The following PRELID2 variants were observed in gnomAD, a reference collection of about 807,000 sequenced individuals.
The protein encoded by PRELID2 is PRELI domain containing 2, also known as PRELI domain-containing protein 2.
PRELID2 carries 25 observed loss-of-function variants against 28.4 expected under a neutral mutation model. The ratio of observed to expected loss-of-function variants is 0.88; its 90% CI spans 0.64 to 1.23. PRELID2 has a LOEUF of 1.23. Ranked by LOEUF, PRELID2 falls within the 50% of genes most tolerant of loss-of-function variation. The pLI is 0.00. For synonymous variants in PRELID2, 76 were observed against 71.6 expected (o/e 1.06, Z -0.31); for missense variants, 201 against 214.4 (o/e 0.94, Z 0.39).
intron 1 of PRELID2, among the ~76,000 whole-genome samples, chr5:145,498,489 GTCTC>G (rs1222226786): frequency 6.6e-6 from 1 of 151,956 alleles, no homozygotes; most frequent in Non-Finnish European, 1.5e-5. Context: ...GTGAGAACTT[GTCTC>G]TCTCTGTTTT....
chr5:145,633,090 G>C (rs1753953476), intron 1 of PRELID2, among the ~76,000 whole-genome samples: 1 of 152,120 alleles, frequency 6.6e-6, no homozygotes, highest in Non-Finnish European at 1.5e-5. Context: ...ACAACTCAAG[G>C]GAGTGTGGAA....
the PRELID2 span, among the ~76,000 whole-genome samples, chr5:145,372,257 G>C: frequency 1.3e-5 from 2 of 152,048 alleles, no homozygotes; most frequent in African/African-American, 2.4e-5. Context: ...GATTTGTTTT[G>C]AGTGAGTTTC....
At chr5:145,281,035 C>T in the PRELID2 span, among the ~76,000 whole-genome samples, 1 of 152,192 alleles carries the variant, frequency 6.6e-6, no homozygotes, top group African/African-American at 2.4e-5. Context: ...CTCTATCTCA[C>T]CATTCTGCAT....
intron 1 of PRELID2, among the ~76,000 whole-genome samples, chr5:145,535,726 T>C (rs1453508895): frequency 6.6e-6 from 1 of 151,934 alleles, no homozygotes; most frequent in African/African-American, 2.4e-5. Context: ...GATCTTGCTC[T>C]AAAGATGAGC....
At chr5:145,398,326 G>A in the PRELID2 span, among the ~76,000 whole-genome samples, 8 of 152,188 alleles carry the variant, frequency 5.3e-5, 1 homozygote, top group East Asian at 3.9e-4. Flanking sequence ...TTAGATGAAC[G>A]TTTCTGAGTT....
At chr5:145,540,113 A>C (rs1184666706) in intron 1 of PRELID2, among the ~76,000 whole-genome samples, 1 of 151,962 alleles carries the variant, frequency 6.6e-6, no homozygotes, top group African/African-American at 2.4e-5. Context: ...GCTGACTTGC[A>C]TCTCAACCCT....
chr5:145,398,388 T>C, the PRELID2 span, among the ~76,000 whole-genome samples: 4 of 152,244 alleles, frequency 2.6e-5, no homozygotes, highest in South Asian at 4.1e-4. Context: ...ACCAGTTGAT[T>C]GTAGCAGTGG....
intron 5 of PRELID2, among the ~76,000 whole-genome samples, chr5:145,776,904 G>A (rs1197559546): frequency 6.6e-6 from 1 of 152,128 alleles, no homozygotes; most frequent in Non-Finnish European, 1.5e-5. Context: ...TGTCTTTAAT[G>A]TTAAACAGTT....
At chr5:145,693,548 C>G (rs1344238580) in intron 1 of PRELID2, among the ~76,000 whole-genome samples, 2 of 151,788 alleles carry the variant, frequency 1.3e-5, no homozygotes, top group Non-Finnish European at 2.9e-5. Context: ...GCTAAAGGAC[C>G]ACTTGAGGCC....
In PRELID2 at chr5:145,531,673, G is replaced by C. The variant is rs987070657; in HGVS notation, n.71-58358C>G. On this transcript the variant is annotated intron_variant and non_coding_transcript_variant, in intron 1 of 2. Transcript: ENST00000510259. Reference sequence around the variant, plus strand: ...AGGCCATTTCCCCAGGCTCTGCAAGGCCTCTCTGCTGGGTTTGAATGTACA... The same window carrying C: ...AGGCCATTTCCCCAGGCTCTGCAAGCCCTCTCTGCTGGGTTTGAATGTACA... 8.9e-4 allele frequency among the ~76,000 whole-genome samples: 135 copies of C among 152,124 alleles called. 1 individual carries two copies. The highest frequency in any genetic ancestry group is 3.2e-3 in the African/African-American group (133 of 41,440).
chr5:145,277,903 A>G, the PRELID2 span, among the ~76,000 whole-genome samples: 118 of 152,114 alleles, frequency 7.8e-4, no homozygotes, highest in African/African-American at 2.7e-3. Context: ...CTATTCTCAC[A>G]CTAGTGTTAA....
intron 1 of PRELID2, among the ~76,000 whole-genome samples, chr5:145,488,141 A>G (rs1426730920): frequency 6.7e-6 from 1 of 150,226 alleles, no homozygotes; most frequent in Non-Finnish European, 1.5e-5. Flanking sequence ...AAAAAAAAAA[A>G]GGAATTGGAA....
chr5:145,476,165 T>C (rs1752097991), intron 1 of PRELID2, among the ~76,000 whole-genome samples: 3 of 152,232 alleles, frequency 2.0e-5, no homozygotes, highest in Admixed American at 6.5e-5. Context: ...TTTCAAATAA[T>C]CATCCCAAGT....
intron 2 of PRELID2, among the ~76,000 whole-genome samples, chr5:145,821,191 T>TGTG (rs1561649985): frequency 1.7e-3 from 54 of 31,340 alleles, no homozygotes; most frequent in African/African-American, 3.1e-3. Flanking sequence ...GTAAGTCCTC[T>TGTG]TCTGTGTGTG....
chr5:145,259,415 A>G, the PRELID2 span, among the ~76,000 whole-genome samples: 1 of 152,144 alleles, frequency 6.6e-6, no homozygotes, highest in South Asian at 2.1e-4. Context: ...CAGGGGCTGA[A>G]CCCTACAAAG....
chr5:145,682,125 G>A (rs568349150), intron 1 of PRELID2, among the ~76,000 whole-genome samples: 23 of 152,080 alleles, frequency 1.5e-4, no homozygotes, highest in Admixed American at 1.4e-3. Flanking sequence ...ATATAAAAAT[G>A]TAGAATACTA....
chr5:145,678,482 G>T (rs907703498), intron 1 of PRELID2, among the ~76,000 whole-genome samples: 1 of 152,106 alleles, frequency 6.6e-6, no homozygotes, highest in Non-Finnish European at 1.5e-5. Context: ...TTGCTCCTAA[G>T]ACTGATTATA....
intron 1 of PRELID2, among the ~76,000 whole-genome samples, chr5:145,632,224 C>G (rs536285624): frequency 1.3e-5 from 2 of 152,066 alleles, no homozygotes; most frequent in Non-Finnish European, 2.9e-5. Context: ...CTCTTTCTTA[C>G]GGTAATTGTA....
At chr5:145,304,656 C>T in the PRELID2 span, among the ~76,000 whole-genome samples, 5 of 151,802 alleles carry the variant, frequency 3.3e-5, no homozygotes, top group African/African-American at 1.2e-4. Context: ...ATAGCCTGTC[C>T]GATATATATT....
Sources: allele counts gnomAD v4.1 joint callset (sites outside exome capture counted in the v4.1 genomes callset), GRCh38; gene constraint gnomAD v4.1.1; transcripts MANE v1.5; gene names NCBI Gene and HGNC (gene_info 2026-07-23, HGNC 2026-07-21).